The following STK38L variants were observed in gnomAD, a reference collection of about 807,000 sequenced individuals.
STK38L encodes serine/threonine-protein kinase 38-like.
In STK38L, 28 loss-of-function variants were observed where a neutral mutation model predicts 59.7. That is an observed-to-expected ratio of 0.47 (90% CI 0.35 to 0.64). The LOEUF (loss-of-function observed/expected upper bound fraction) is 0.64, where lower values mean the gene tolerates loss of function less well. Ranked by LOEUF, STK38L falls within the 30% of genes least tolerant of loss-of-function variation. STK38L has a pLI of 0.01. For synonymous variants in STK38L, 162 were observed against 176.8 expected, an observed-to-expected ratio of 0.92 and a Z score of 0.66; for missense variants, 314 against 555.8, an observed-to-expected ratio of 0.56 and a Z score of 4.37.
chr12:27,257,355 A>G (rs1411907946), intron 1 of STK38L, among the ~76,000 whole-genome samples: 2 of 152,332 alleles, frequency 1.3e-5, no homozygotes, highest in South Asian at 4.1e-4. Flanking sequence ...TTCACCTCAG[A>G]CAGTGTTGGG....
intron 1 of STK38L, among the ~76,000 whole-genome samples, chr12:27,279,016 A>C (rs1181102286): frequency 6.6e-6 from 1 of 152,246 alleles, no homozygotes; most frequent in Non-Finnish European, 1.5e-5. Flanking sequence ...AGATGTCAAA[A>C]TACAGACAGT....
chr12:27,304,417 A>C (rs542016694), intron 3 of STK38L, among the ~76,000 whole-genome samples: 1 of 152,208 alleles, frequency 6.6e-6, no homozygotes, highest in African/African-American at 2.4e-5. Context: ...ACAATATTTT[A>C]TGACTTATAC....
At position 27,308,376 on chromosome 12, in the gene STK38L, C is replaced by CA; in HGVS notation, c.225dup (p.Glu76ArgfsTer14). 1 of 1,595,336 alleles carries CA rather than the reference C, an allele frequency of 6.3e-7. No homozygotes were observed. Among genetic ancestry groups the CA allele is most frequent in the Non-Finnish European group, 8.6e-7 (1 of 1,169,458 alleles). On this transcript the variant is annotated frameshift_variant, in exon 4 of 14. Transcript: ENST00000389032. LOFTEE classifies it high-confidence loss of function. The surrounding 1 kb of genome is among the most constrained non-coding windows in gnomAD (Gnocchi z 4.5). The stretch of plus-strand genomic sequence containing the variant: ...CGATCACAACACGCTCGCAAAGAAA[C>CA]AGAGTTCTTACGGCTCAAAAGGACC...
chr12:27,272,620 G>A (rs936131285), intron 1 of STK38L, among the ~76,000 whole-genome samples: 27 of 152,188 alleles, frequency 1.8e-4, no homozygotes, highest in African/African-American at 5.6e-4. Context: ...GTGAGACTGG[G>A]TGCAACTTCC....
chr12:27,252,916 C>G (rs950217919), intron 1 of STK38L, among the ~76,000 whole-genome samples: 1 of 152,140 alleles, frequency 6.6e-6, no homozygotes, highest in African/African-American at 2.4e-5. Flanking sequence ...ATGTTTGGCC[C>G]TCCATTTAGA....
chr12:27,319,987 G>A (rs1944684240), intron 12 of STK38L, among the ~76,000 whole-genome samples: 1 of 152,202 alleles, frequency 6.6e-6, no homozygotes, highest in African/African-American at 2.4e-5. Context: ...TTTTGCACTT[G>A]GAATACAGTT....
At chr12:27,271,922 ACTC>A (rs1488022706) in intron 1 of STK38L, among the ~76,000 whole-genome samples, 1 of 151,150 alleles carries the variant, frequency 6.6e-6, no homozygotes, top group African/African-American at 2.4e-5. Context: ...TTGGTCTTGA[ACTC>A]CTGACATCAA....
chr12:27,267,192 G>GC (rs1331372221), intron 1 of STK38L, among the ~76,000 whole-genome samples: 1 of 151,946 alleles, frequency 6.6e-6, no homozygotes, highest in Non-Finnish European at 1.5e-5. Context: ...ACGTTAAATT[G>GC]TTTTTTTAAA....
chr12:27,264,125 A>T (rs571405153), intron 1 of STK38L, among the ~76,000 whole-genome samples: 15 of 152,366 alleles, frequency 9.8e-5, no homozygotes, highest in Non-Finnish European at 2.1e-4. Context: ...ATGGGCTTTA[A>T]TAAAAGCCAG....
chr12:27,293,061 C>T (rs1166071607), intron 1 of STK38L, among the ~76,000 whole-genome samples: 1 of 152,190 alleles, frequency 6.6e-6, no homozygotes, highest in African/African-American at 2.4e-5. Context: ...AGATGACCCT[C>T]CTGTCTCAGC....
intron 1 of STK38L, among the ~76,000 whole-genome samples, chr12:27,275,348 T>TA (rs1457587022): frequency 6.6e-6 from 1 of 150,860 alleles, no homozygotes; most frequent in Non-Finnish European, 1.5e-5. Flanking sequence ...GCATCTTTTT[T>TA]TTTTTTTTTT....
intron 1 of STK38L, among the ~76,000 whole-genome samples, chr12:27,257,864 CTTTT>C (rs112918365): frequency 7.1e-6 from 1 of 140,636 alleles, no homozygotes; most frequent in Non-Finnish European, 1.5e-5. Flanking sequence ...TTATGTCAAG[CTTTT>C]TTTTTTTTTT....
chr12:27,282,843 C>T (rs530082244), intron 1 of STK38L, among the ~76,000 whole-genome samples: 4 of 152,266 alleles, frequency 2.6e-5, no homozygotes, highest in Non-Finnish European at 5.9e-5. Context: ...AAAACTATGG[C>T]GCTTAACAGA....
chr12:27,269,726 T>C (rs1943378929), intron 1 of STK38L, among the ~76,000 whole-genome samples: 1 of 152,250 alleles, frequency 6.6e-6, no homozygotes, highest in African/African-American at 2.4e-5. Flanking sequence ...CACTGCAACC[T>C]TTGCCTCCTG....
At chr12:27,311,963 T>C (rs1944464682) in intron 5 of STK38L, among the ~76,000 whole-genome samples, 1 of 151,976 alleles carries the variant, frequency 6.6e-6, no homozygotes, top group Admixed American at 6.6e-5. Flanking sequence ...CACTGCAACC[T>C]CCGCCTCCCG....
In STK38L at chr12:27,268,193, T is replaced by TATACATATGTATACA. The variant is rs564520225; in HGVS notation, c.-12+23861_-12+23862insATACATATGTATACA. Among the ~76,000 whole-genome samples, 1,133 of 152,272 alleles carry TATACATATGTATACA rather than the reference T, an allele frequency of 7.4e-3. 17 individuals carry two copies. Among genetic ancestry groups the TATACATATGTATACA allele is most frequent in the Middle Eastern group, 0.024 (7 of 294 alleles). Reference sequence around the variant, plus strand: ...CATGTTAGTTACATATGTATACATGTGCCATGTTGGTGTGCTGCACCCATT... The same window carrying TATACATATGTATACA: ...CATGTTAGTTACATATGTATACATGTATACATATGTATACAGCCATGTTGGTGTGCTGCACCCATT... On this transcript the variant is annotated intron_variant, in intron 1 of 13. Transcript: ENST00000389032.
intron 1 of STK38L, among the ~76,000 whole-genome samples, chr12:27,248,299 A>G (rs1208658789): frequency 6.6e-6 from 1 of 152,222 alleles, no homozygotes; most frequent in Non-Finnish European, 1.5e-5. Flanking sequence ...GAGAAGTTCC[A>G]TCACTGATAC....
At chr12:27,274,103 A>G (rs1363310329) in intron 1 of STK38L, among the ~76,000 whole-genome samples, 2 of 152,064 alleles carry the variant, frequency 1.3e-5, no homozygotes, top group Admixed American at 1.3e-4. Flanking sequence ...AAATACAAAA[A>G]TTAGCTGGGC....
intron 1 of STK38L, among the ~76,000 whole-genome samples, chr12:27,277,228 G>A (rs1360398481): frequency 6.8e-6 from 1 of 148,092 alleles, no homozygotes; most frequent in Non-Finnish European, 1.5e-5. Flanking sequence ...TTTAAAGTAC[G>A]AGTAATTACT....
Sources: gnomAD v4.1 joint callset for allele counts (sites outside exome capture counted in the v4.1 genomes callset) on GRCh38, gnomAD v4.1.1 for gene constraint, Gnocchi (gnomAD v3.1) non-coding constraint, MANE v1.5 for transcripts, NCBI Gene and HGNC (gene_info 2026-07-23, HGNC 2026-07-21) for gene names.